Variants in AFG2A observed in about 807,000 individuals in gnomAD.
AFG2A encodes the protein ATPase family gene 2 protein homolog A.
chr4:123,113,246 G>T, the AFG2A span, among the ~76,000 whole-genome samples: 1 of 152,204 alleles, frequency 6.6e-6, no homozygotes, highest in East Asian at 1.9e-4. Context: ...TTGCTAGGAG[G>T]ATGAGTTAAT....
At chr4:123,064,851 A>G in the AFG2A span, among the ~76,000 whole-genome samples, 47 of 152,286 alleles carry the variant, frequency 3.1e-4, no homozygotes, top group African/African-American at 1.1e-3. Flanking sequence ...AGAGAGGCTC[A>G]TCTTTTTTAC....
At chr4:122,945,432 G>A in the AFG2A span, among the ~76,000 whole-genome samples, 5 of 152,220 alleles carry the variant, frequency 3.3e-5, no homozygotes, top group Admixed American at 6.5e-5. Flanking sequence ...CTCCGTGGGC[G>A]TAGGACCCTC....
chr4:123,211,533 A>G, the AFG2A span, among the ~76,000 whole-genome samples: 2 of 152,178 alleles, frequency 1.3e-5, no homozygotes, highest in Admixed American at 1.3e-4. Flanking sequence ...GTCACAACAT[A>G]CAAGCTGGAA....
the AFG2A span, among the ~76,000 whole-genome samples, chr4:123,177,850 A>G: frequency 6.6e-6 from 1 of 152,164 alleles, no homozygotes; most frequent in Admixed American, 6.5e-5. Flanking sequence ...GACTATGAAG[A>G]TCAGCTCATG....
chr4:123,213,550 G>T, the AFG2A span, among the ~76,000 whole-genome samples: 1 of 152,158 alleles, frequency 6.6e-6, no homozygotes, highest in Admixed American at 6.6e-5. Context: ...ACAATTAGCT[G>T]CTACTAAAAA....
chr4:123,148,433 G>A, the AFG2A span, among the ~76,000 whole-genome samples: 2 of 152,180 alleles, frequency 1.3e-5, no homozygotes, highest in Admixed American at 6.5e-5. Flanking sequence ...CAGATCAGCT[G>A]GAAAGGTGAA....
chr4:123,048,505 C>A, the AFG2A span, among the ~76,000 whole-genome samples: 1 of 152,056 alleles, frequency 6.6e-6, no homozygotes, highest in African/African-American at 2.4e-5. Context: ...GATATCTGTT[C>A]ATTTTTTATG....
chr4:123,191,686 C>A, the AFG2A span, among the ~76,000 whole-genome samples: 3 of 152,090 alleles, frequency 2.0e-5, no homozygotes, highest in Non-Finnish European at 4.4e-5. Context: ...CTACCCATCA[C>A]CTATTGTATT....
chr4:123,022,421 G>A, the AFG2A span, among the ~76,000 whole-genome samples: 80 of 151,392 alleles, frequency 5.3e-4, no homozygotes, highest in Admixed American at 5.9e-4. Flanking sequence ...GCAGCCAAAA[G>A]ACACATGAAA....
the AFG2A span, among the ~76,000 whole-genome samples, chr4:123,070,672 T>C: frequency 6.6e-6 from 1 of 152,150 alleles, no homozygotes; most frequent in African/African-American, 2.4e-5. Context: ...TACCATCACT[T>C]TGGGGGTTAG....
At chr4:123,253,485 C>CA in the AFG2A span, among the ~76,000 whole-genome samples, 359 of 136,480 alleles carry the variant, frequency 2.6e-3, no homozygotes, top group East Asian at 0.011. Flanking sequence ...AACTCCACCT[C>CA]AAAAAAAAAA....
the AFG2A span, among the ~76,000 whole-genome samples, chr4:123,195,935 A>G: frequency 1.3e-5 from 2 of 152,020 alleles, no homozygotes; most frequent in Admixed American, 6.6e-5. Flanking sequence ...AAATACAATT[A>G]AGCCAAATAC....
chr4:123,156,777 G>GA, the AFG2A span, among the ~76,000 whole-genome samples: 5 of 115,304 alleles, frequency 4.3e-5, no homozygotes, highest in African/African-American at 1.2e-4. Flanking sequence ...AAAAAAAAAA[G>GA]AAAAAAAAAG....
the AFG2A span, among the ~76,000 whole-genome samples, chr4:123,154,379 GC>G: frequency 5.9e-5 from 9 of 152,134 alleles, 1 homozygote; most frequent in Non-Finnish European, 1.3e-4. Context: ...ATCCTTATAA[GC>G]TCTTAAAGTG....
At chr4:123,020,725 A>G in the AFG2A span, among the ~76,000 whole-genome samples, 1 of 152,160 alleles carries the variant, frequency 6.6e-6, no homozygotes, top group African/African-American at 2.4e-5. Context: ...ATGATTGTCC[A>G]TTCTTTAAGT....
chr4:123,160,569 T>G, the AFG2A span, among the ~76,000 whole-genome samples: 1 of 152,226 alleles, frequency 6.6e-6, no homozygotes, highest in Non-Finnish European at 1.5e-5. Context: ...TTATCACCTC[T>G]GTCCTATCAC....
At chr4:123,210,811 C>T in the AFG2A span, among the ~76,000 whole-genome samples, 1 of 152,116 alleles carries the variant, frequency 6.6e-6, no homozygotes, top group East Asian at 1.9e-4. Context: ...TTGACATTCC[C>T]ATGTAGAAAA....
chr4:123,290,768 C>T, the AFG2A span, among the ~76,000 whole-genome samples: 1 of 152,116 alleles, frequency 6.6e-6, no homozygotes, highest in African/African-American at 2.4e-5. Flanking sequence ...AAGACCCACC[C>T]CCATAATTCA....
chr4:123,058,469 A>G, the AFG2A span, among the ~76,000 whole-genome samples: 2 of 152,198 alleles, frequency 1.3e-5, no homozygotes, highest in African/African-American at 2.4e-5. Context: ...TACTAAAAAT[A>G]TAGAAATTAG....
Sources: allele counts gnomAD v4.1 joint callset (sites outside exome capture counted in the v4.1 genomes callset), GRCh38; gene constraint gnomAD v4.1.1; transcripts MANE v1.5; gene names NCBI Gene and HGNC (gene_info 2026-07-23, HGNC 2026-07-21).